RMST: variants seen among roughly 807,000 people sequenced by gnomAD.
RMST encodes the protein rhabdomyosarcoma 2 associated transcript.
intron 10 of RMST, among the ~76,000 whole-genome samples, chr12:97,503,084 C>G (rs1054779866): frequency 6.6e-6 from 1 of 152,152 alleles, no homozygotes; most frequent in African/African-American, 2.4e-5. Flanking sequence ...TTTGTTTATG[C>G]TTTCCATATC....
intron 11 of RMST, among the ~76,000 whole-genome samples, chr12:97,543,774 C>G (rs1882729384): frequency 6.6e-6 from 1 of 151,924 alleles, no homozygotes; most frequent in African/African-American, 2.4e-5. Flanking sequence ...CTGAAAGAGC[C>G]AGGATTCAAA....
chr12:97,549,354 G>A (rs1394778115), intron 11 of RMST, among the ~76,000 whole-genome samples: 1 of 152,174 alleles, frequency 6.6e-6, no homozygotes, highest in African/African-American at 2.4e-5. Flanking sequence ...TTCTCAGAGA[G>A]CATATGGGCA....
chr12:97,564,465 A>C (rs1300386617), exon 14 of RMST: 1 of 152,854 alleles, frequency 6.5e-6, no homozygotes, highest in Non-Finnish European at 1.5e-5. Flanking sequence ...GTGGAGTTGC[A>C]TTCTAATCTC....
intron 10 of RMST, among the ~76,000 whole-genome samples, chr12:97,523,418 T>G (rs1368193760): frequency 1.3e-5 from 2 of 152,216 alleles, no homozygotes; most frequent in African/African-American, 4.8e-5. Flanking sequence ...TCAAGTGTTC[T>G]GTTTGGTTAA....
chr12:97,469,141 AGTGTGT>A (rs10585876), intron 5 of RMST, among the ~76,000 whole-genome samples: 7,968 of 138,320 alleles, frequency 0.058, 352 homozygotes, highest in Admixed American at 0.096. Flanking sequence ...AAGAGAAACC[AGTGTGT>A]GTGTGTGTGT....
At chr12:97,498,639 A>G (rs1200942041) in intron 10 of RMST, among the ~76,000 whole-genome samples, 1 of 152,236 alleles carries the variant, frequency 6.6e-6, no homozygotes, top group Admixed American at 6.5e-5. Flanking sequence ...TAAAAATATT[A>G]AAGAAAATTC....
chr12:97,467,320 C>A (rs901497263), intron 5 of RMST, among the ~76,000 whole-genome samples: 3 of 151,904 alleles, frequency 2.0e-5, no homozygotes, highest in Admixed American at 1.3e-4. Flanking sequence ...AGAATCATAT[C>A]TTTTGGGAGC....
chr12:97,515,793 A>G (rs1216746184), intron 10 of RMST, among the ~76,000 whole-genome samples: 1 of 152,116 alleles, frequency 6.6e-6, no homozygotes, highest in African/African-American at 2.4e-5. Context: ...ATGAAGCTGA[A>G]TAATATTTAA....
At chr12:97,475,727 A>G (rs1874479292) in intron 5 of RMST, among the ~76,000 whole-genome samples, 1 of 152,098 alleles carries the variant, frequency 6.6e-6, no homozygotes, top group Non-Finnish European at 1.5e-5. Context: ...AAGAACACAC[A>G]TAGTTGTTAA....
intron 9 of RMST, among the ~76,000 whole-genome samples, chr12:97,495,461 G>A (rs921694961): frequency 8.5e-5 from 13 of 152,126 alleles, no homozygotes; most frequent in Admixed American, 6.6e-4. Context: ...GATGCAATAT[G>A]AGGATACTAA....
chr12:97,509,381 G>T (rs1879047507), intron 10 of RMST, among the ~76,000 whole-genome samples: 1 of 143,314 alleles, frequency 7.0e-6, no homozygotes, highest in South Asian at 2.1e-4. Context: ...CGGCATAGTG[G>T]ACTATATACT....
intron 5 of RMST, among the ~76,000 whole-genome samples, chr12:97,468,317 T>A (rs1218578764): frequency 1.3e-5 from 2 of 152,058 alleles, no homozygotes; most frequent in Non-Finnish European, 2.9e-5. Context: ...ACATTGTATT[T>A]GCTTAATGGT....
intron 10 of RMST, among the ~76,000 whole-genome samples, chr12:97,497,968 C>G (rs1877639377): frequency 6.6e-6 from 1 of 152,194 alleles, no homozygotes; most frequent in African/African-American, 2.4e-5. Flanking sequence ...ATATGAAGAT[C>G]AATCATCCAT....
intron 5 of RMST, among the ~76,000 whole-genome samples, chr12:97,490,641 A>C (rs1266078256): frequency 1.3e-5 from 2 of 152,204 alleles, no homozygotes; most frequent in Non-Finnish European, 2.9e-5. Flanking sequence ...TTTGGCAACA[A>C]TTTTATATTT....
chr12:97,493,603 T>C (rs1386769921), intron 7 of RMST, among the ~76,000 whole-genome samples: 1 of 152,172 alleles, frequency 6.6e-6, no homozygotes. Flanking sequence ...CATTATACGA[T>C]ATAAAAGAGT....
intron 10 of RMST, among the ~76,000 whole-genome samples, chr12:97,512,353 T>A (rs1057465590): frequency 6.6e-6 from 1 of 152,104 alleles, no homozygotes; most frequent in Non-Finnish European, 1.5e-5. Context: ...GAACAAAGCT[T>A]CCACAGCGTG....
intron 5 of RMST, among the ~76,000 whole-genome samples, chr12:97,478,410 A>T (rs180849404): frequency 1.3e-5 from 2 of 152,346 alleles, no homozygotes; most frequent in African/African-American, 4.8e-5. Flanking sequence ...AAGTGGAAGC[A>T]TCTCATTTCA....
intron 5 of RMST, among the ~76,000 whole-genome samples, chr12:97,488,896 C>T (rs574884773): frequency 6.6e-6 from 1 of 152,226 alleles, no homozygotes; most frequent in African/African-American, 2.4e-5. Flanking sequence ...TTCTAACTCA[C>T]CCATATGGCC....
chr12:97,504,420 A>G (rs946446070), intron 10 of RMST, among the ~76,000 whole-genome samples: 8 of 151,774 alleles, frequency 5.3e-5, no homozygotes, highest in Non-Finnish European at 8.8e-5. Context: ...AAAAAAAAAA[A>G]AAAAGAATGC....
Sources: allele counts gnomAD v4.1 joint callset (sites outside exome capture counted in the v4.1 genomes callset), GRCh38; gene constraint gnomAD v4.1.1; transcripts MANE v1.5; gene names NCBI Gene and HGNC (gene_info 2026-07-23, HGNC 2026-07-21).